HDAC8: variants seen among roughly 807,000 people sequenced by gnomAD.
The protein encoded by HDAC8 is histone deacetylase-like 1.
HDAC8 carries 1 observed loss-of-function variant against 32.2 expected under a neutral mutation model. That is an observed-to-expected ratio of 0.03 (90% CI 0.01 to 0.15). HDAC8 has a LOEUF of 0.15. Ranked by LOEUF, HDAC8 falls within the 10% of genes least tolerant of loss-of-function variation. The pLI is 1.00. For missense variants in HDAC8, 117 were observed against 300.0 expected (o/e 0.39, Z 4.51); for synonymous variants, 108 against 113.9 (o/e 0.95, Z 0.33).
At chrX:72,496,458 G>T (rs782727009) in intron 4 of HDAC8, among the ~76,000 whole-genome samples, 1 of 110,778 alleles carries the variant, frequency 9.0e-6, no homozygotes, top group Non-Finnish European at 1.9e-5. Context: ...ACCAGGTAGA[G>T]ACCAATTAAA....
intron 5 of HDAC8, among the ~76,000 whole-genome samples, chrX:72,494,656 T>C (rs1182951156): frequency 4.5e-5 from 5 of 111,722 alleles, no homozygotes; most frequent in African/African-American, 1.6e-4. Context: ...TTAGGGAAGA[T>C]GTCCTGTTTG....
At chrX:72,428,117 G>A (rs1340488333) in intron 9 of HDAC8, among the ~76,000 whole-genome samples, 6 of 110,447 alleles carry the variant, frequency 5.4e-5, no homozygotes, top group East Asian at 2.8e-4. Flanking sequence ...TTTTTGAGAC[G>A]GAGTCTCGCT....
At chrX:72,458,708 CAAT>C (rs1255200059) in intron 9 of HDAC8, among the ~76,000 whole-genome samples, 3 of 111,935 alleles carry the variant, frequency 2.7e-5, no homozygotes, top group African/African-American at 6.5e-5. Context: ...ACAACCAAAA[CAAT>C]GATGACCAAA....
intron 4 of HDAC8, among the ~76,000 whole-genome samples, chrX:72,558,133 G>A (rs1410178140): frequency 1.8e-5 from 2 of 111,704 alleles, no homozygotes; most frequent in South Asian, 7.5e-4. Flanking sequence ...AGGACCAGAC[G>A]AATTCACAGT....
At chrX:72,340,420 A>G (rs1266750791) in intron 10 of HDAC8, among the ~76,000 whole-genome samples, 1 of 112,153 alleles carries the variant, frequency 8.9e-6, no homozygotes, top group African/African-American at 3.2e-5. Context: ...TAGCAGTGGT[A>G]GGAGGAATAA....
At chrX:72,534,287 C>CTA (rs1388977923) in intron 4 of HDAC8, among the ~76,000 whole-genome samples, 3 of 99,989 alleles carry the variant, frequency 3.0e-5, no homozygotes, top group Non-Finnish European at 3.9e-5. Context: ...AAATACGTAG[C>CTA]TATATATATA....
chrX:72,404,794 C>T (rs191273592), intron 9 of HDAC8, among the ~76,000 whole-genome samples: 109 of 109,829 alleles, frequency 9.9e-4, no homozygotes, highest in African/African-American at 3.3e-3. Flanking sequence ...TTTAAGATTT[C>T]GTCTTTGTCT....
At chrX:72,440,360 C>A (rs2047090604) in intron 9 of HDAC8, among the ~76,000 whole-genome samples, 3 of 111,594 alleles carry the variant, frequency 2.7e-5, no homozygotes, top group African/African-American at 9.8e-5. Context: ...TAAGTGCCCA[C>A]AACAGAAAGC....
chrX:72,567,833 T>C, intron 4 of HDAC8, 56 bp downstream of exon 4: 1 of 1,211,523 alleles, frequency 8.3e-7, no homozygotes, highest in Non-Finnish European at 1.1e-6. Flanking sequence ...AGAGTTTACA[T>C]AACTGAGAAA....
At chrX:72,520,503 T>A in intron 4 of HDAC8, among the ~76,000 whole-genome samples, 1 of 112,296 alleles carries the variant, frequency 8.9e-6, no homozygotes, top group East Asian at 2.8e-4. Context: ...TTTTCCACAT[T>A]TCTGTCTCTC....
intron 4 of HDAC8, among the ~76,000 whole-genome samples, chrX:72,513,477 C>T (rs1249082561): frequency 1.8e-5 from 2 of 109,986 alleles, no homozygotes; most frequent in Non-Finnish European, 3.8e-5. Context: ...AGGCGTGTAC[C>T]ACCACACCTA....
At chrX:72,463,216 C>T (rs926485350) in intron 8 of HDAC8, among the ~76,000 whole-genome samples, 5 of 111,381 alleles carry the variant, frequency 4.5e-5, no homozygotes, top group African/African-American at 1.3e-4. Flanking sequence ...TAGACTTATT[C>T]GGCATGAGTA....
chrX:72,377,497 G>A (rs971928521), intron 9 of HDAC8, among the ~76,000 whole-genome samples: 1 of 111,680 alleles, frequency 9.0e-6, no homozygotes, highest in Admixed American at 9.5e-5. Context: ...ATGGAGTATT[G>A]ACATCTCCAA....
intron 9 of HDAC8, among the ~76,000 whole-genome samples, chrX:72,427,589 G>T (rs1372897347): frequency 1.3e-5 from 1 of 75,680 alleles, no homozygotes; most frequent in Non-Finnish European, 2.3e-5. Flanking sequence ...ACACTCTGGG[G>T]CCTGTTGTGG....
At chrX:72,424,484 C>T (rs2046577272) in intron 9 of HDAC8, among the ~76,000 whole-genome samples, 1 of 111,282 alleles carries the variant, frequency 9.0e-6, no homozygotes, top group Admixed American at 9.6e-5. Flanking sequence ...ATTTTCTTGT[C>T]TTTTATCTTT....
chrX:72,527,695 T>C (rs1556033090), intron 4 of HDAC8, among the ~76,000 whole-genome samples: 1 of 110,518 alleles, frequency 9.0e-6, no homozygotes, highest in African/African-American at 3.3e-5. Flanking sequence ...TCTAGCAGAG[T>C]TCCTGACATA....
Position 72,329,899 on chromosome X carries a change from C to T in HDAC8, c.*155G>A. 2 of 792,956 alleles carry T rather than the reference C, an allele frequency of 2.5e-6. No homozygotes were observed. The highest frequency in any genetic ancestry group is 3.7e-6 in the Non-Finnish European group (2 of 544,487). 65.3% of individuals were successfully genotyped at this position (792,956 alleles called of 1,213,427 possible). A position where few individuals can be genotyped will look rare whatever the true frequency, so the allele number is the denominator to read the frequency against. Reference sequence around the variant, plus strand: ...GTGCCTGCCTCTTCACCCCAGGAAGCCAGCTGCCACTTGATGCCCCTTGGA... The same window carrying T: ...GTGCCTGCCTCTTCACCCCAGGAAGTCAGCTGCCACTTGATGCCCCTTGGA... On this transcript the variant is annotated 3_prime_UTR_variant, in exon 11 of 11. Coordinates refer to ENST00000373573, the MANE Select transcript of HDAC8 (RefSeq NM_018486.3).
At chrX:72,508,618 C>T (rs782125237) in intron 4 of HDAC8, among the ~76,000 whole-genome samples, 1 of 112,061 alleles carries the variant, frequency 8.9e-6, no homozygotes, top group South Asian at 3.8e-4. Flanking sequence ...GGGATCTACC[C>T]TCAAGAATAA....
chrX:72,517,030 A>G (rs1355960957), intron 4 of HDAC8, among the ~76,000 whole-genome samples: 1 of 112,187 alleles, frequency 8.9e-6, no homozygotes, highest in Non-Finnish European at 1.9e-5. Flanking sequence ...AAGTGGCTAC[A>G]CCATTCTACA....
Sources: gnomAD v4.1 joint callset for allele counts (sites outside exome capture counted in the v4.1 genomes callset) on GRCh38, gnomAD v4.1.1 for gene constraint, MANE v1.5 for transcripts, NCBI Gene and HGNC (gene_info 2026-07-23, HGNC 2026-07-21) for gene names.